SLC26A4: variants seen among roughly 807,000 people sequenced by gnomAD.
The protein encoded by SLC26A4 is pendrin.
Under a neutral mutation model 90.4 loss-of-function variants are expected in SLC26A4, and 93 were observed. That is an observed-to-expected ratio of 1.03 (90% CI 0.87 to 1.22). The LOEUF (loss-of-function observed/expected upper bound fraction) is 1.22. SLC26A4 is among the 50% of genes most tolerant of loss of function. SLC26A4 has a pLI of 0.00. For synonymous variants in SLC26A4, 393 were observed against 354.6 expected, an observed-to-expected ratio of 1.11 and a Z score of -1.22; for missense variants, 1,127 against 946.2, an observed-to-expected ratio of 1.19 and a Z score of -2.51.
chr7:107,661,791 G>C lies in SLC26A4; in HGVS notation c.150G>C (p.Leu50=), dbSNP rs1033372874. The C allele has an allele frequency of 2.0e-6, 3 of 1,538,348 alleles. No individual in the cohort carries two copies. The African/African-American group carries it at 4.1e-5, about 21-fold the overall frequency. ...LQERKTLRES[L]AKCCSCSRKR... ...AGCGCAAGACGCTGCGGGAGAGCCTGGCCAAGTGCTGCAGGTAGCGGCCGC... is the reference window on the plus strand; with the variant it reads ...AGCGCAAGACGCTGCGGGAGAGCCTCGCCAAGTGCTGCAGGTAGCGGCCGC... The change falls in exon 2 of 21, where the codon CTG becomes CTC. Residue 50 remains leucine (L), a synonymous_variant. Coordinates refer to ENST00000644269, the MANE Select transcript of SLC26A4 (RefSeq NM_000441.2). The surrounding 1 kb of genome is among the most constrained non-coding windows in gnomAD (Gnocchi z 5.1).
At chr7:107,682,791 T>C (rs566954403) in intron 6 of SLC26A4, among the ~76,000 whole-genome samples, 13 of 152,176 alleles carry the variant, frequency 8.5e-5, no homozygotes, top group Non-Finnish European at 1.3e-4. Context: ...GGCTACTTGA[T>C]AGCACCTAGA....
At chr7:107,704,761 C>A (rs1393087193) in intron 18 of SLC26A4, among the ~76,000 whole-genome samples, 1 of 152,182 alleles carries the variant, frequency 6.6e-6, no homozygotes, top group Non-Finnish European at 1.5e-5. Context: ...AGGATTATTG[C>A]AGAGGAAGCT....
chr7:107,696,716 C>T (rs1791753633), intron 13 of SLC26A4, among the ~76,000 whole-genome samples: 2 of 152,104 alleles, frequency 1.3e-5, no homozygotes, highest in Admixed American at 1.3e-4. Flanking sequence ...TGGAAAACAG[C>T]CTGTGAGGGA....
chr7:107,663,117 T>C (rs1258178751), intron 2 of SLC26A4, among the ~76,000 whole-genome samples, 179 bp from the exon 3 acceptor site: 1 of 152,198 alleles, frequency 6.6e-6, no homozygotes, highest in Admixed American at 6.5e-5. Context: ...TTTAAAAGGA[T>C]AGATACAGTT....
At chr7:107,687,206 GC>G (rs1214785960) in intron 8 of SLC26A4, among the ~76,000 whole-genome samples, 1 of 152,190 alleles carries the variant, frequency 6.6e-6, no homozygotes, top group African/African-American at 2.4e-5. Flanking sequence ...TTATGATCAG[GC>G]CTGACATGCT....
At chr7:107,682,553 G>T (rs1791269592) in intron 6 of SLC26A4, among the ~76,000 whole-genome samples, 1 of 152,062 alleles carries the variant, frequency 6.6e-6, no homozygotes, top group East Asian at 1.9e-4. Context: ...AGTATTTTAG[G>T]ATTTTTTGTA....
chr7:107,704,389 A>T lies in SLC26A4; in HGVS notation c.2089+4A>T, dbSNP rs778518135. On this transcript the variant is annotated splice_donor_region_variant and intron_variant, in intron 18 of 20. Coordinates refer to ENST00000644269, the MANE Select transcript of SLC26A4 (RefSeq NM_000441.2). ...GTGTATTTTGCATCACTTCAAGGTA[A>T]ATACATATATCTACATATCTACCTG... The T allele has an allele frequency of 8.2e-7, 1 of 1,220,262 alleles. No homozygotes were observed. 75.6% of individuals were successfully genotyped at this position (1,220,262 alleles called of 1,614,324 possible).
rs1790547703 is a variant in SLC26A4, at chr7:107,661,474, G to C, written c.-3-165G>C. On this transcript the variant is annotated intron_variant, in intron 1 of 20. Coordinates refer to ENST00000644269, the MANE Select transcript of SLC26A4 (RefSeq NM_000441.2). The surrounding 1 kb of genome is among the most constrained non-coding windows in gnomAD (Gnocchi z 5.1). ...AGGCTGGCCGTGCGCGCCGTGGGGC[G>C]CTTGTCGCGAGCGCCGAGGGCTGCA... 1.3e-6 allele frequency: 1 copy of C among 777,518 alleles called. No homozygotes were observed. The highest frequency in any genetic ancestry group is 2.3e-5 in the Admixed American group (1 of 44,262). The allele number at this position is 777,518 out of a possible 1,614,324, so 48.2% of individuals were successfully genotyped here. A position where few individuals can be genotyped will look rare whatever the true frequency, so the allele number is the denominator to read the frequency against.
intron 9 of SLC26A4, 125 bp from the exon 10 acceptor site, chr7:107,689,999 T>G: frequency 1.3e-6 from 1 of 750,404 alleles, no homozygotes. Flanking sequence ...CGGTAAAAAT[T>G]AAATTGGACC....
chr7:107,677,211 C>A (rs1481355322), intron 6 of SLC26A4, among the ~76,000 whole-genome samples: 1 of 151,936 alleles, frequency 6.6e-6, no homozygotes, highest in Non-Finnish European at 1.5e-5. Context: ...AACAAAAAAC[C>A]AAAAACAAAC....
At chr7:107,687,575 T>C (rs920076482) in intron 8 of SLC26A4, among the ~76,000 whole-genome samples, 22 of 152,208 alleles carry the variant, frequency 1.4e-4, no homozygotes, top group African/African-American at 5.3e-4. Flanking sequence ...TTAAATAACA[T>C]GCCTAAAGTC....
chr7:107,674,486 T>C (rs1176191209), intron 5 of SLC26A4, 138 bp downstream of exon 5: 1 of 765,752 alleles, frequency 1.3e-6, no homozygotes, highest in African/African-American at 1.7e-5. Flanking sequence ...TAAATTACGT[T>C]GTTTTAGGTC....
In SLC26A4 at chr7:107,661,841, A is replaced by T; in HGVS notation, c.164+36A>T. ...CGCGGGCCTGCGTAGAGAGAAGCGG[A>T]GCGGGGCGTCCACGCCTTGGGGAGG... On this transcript the variant is annotated intron_variant, in intron 2 of 20. Transcript: ENST00000644269. This position sits in a 1 kb window ranked among gnomAD's most constrained non-coding sequence, Gnocchi z 5.1. The T allele has an allele frequency of 6.6e-7, 1 of 1,523,984 alleles. No homozygotes were observed. The allele number at this position is 1,523,984 out of a possible 1,614,324, so 94.4% of individuals were successfully genotyped here.
chr7:107,693,733 T>C (rs1791646583), intron 10 of SLC26A4: 1 of 992,600 alleles, frequency 1.0e-6, no homozygotes, highest in South Asian at 4.5e-5. Context: ...CCCCTGCTAT[T>C]GCCCCGTTAC....
In SLC26A4 at chr7:107,672,213, AC is replaced by A. The variant is rs761134859; in HGVS notation, c.381del (p.Phe128LeufsTer17). ...TCTGCTTTTTTCCCTATCCTGACAT[AC>A]TTTATCTTTGGAACATCAAGACATA... ...LYSAFFPILT[Y>X]FIFGTSRHIS... On this transcript the variant is annotated frameshift_variant, in exon 4 of 21. Transcript: ENST00000644269. LOFTEE classifies it high-confidence loss of function. The A allele has an allele frequency of 6.2e-7, 1 of 1,609,970 alleles. No homozygotes were observed. The highest frequency in any genetic ancestry group is 8.5e-7 in the Non-Finnish European group (1 of 1,176,410).
intron 3 of SLC26A4, among the ~76,000 whole-genome samples, chr7:107,668,094 C>T (rs1790766344): frequency 6.6e-6 from 1 of 152,104 alleles, no homozygotes; most frequent in African/African-American, 2.4e-5. Flanking sequence ...ACACATTTTA[C>T]ATGAAATTGG....
At chr7:107,683,008 A>G (rs1791287852) in intron 6 of SLC26A4, among the ~76,000 whole-genome samples, 194 bp from the exon 7 acceptor site, 1 of 152,076 alleles carries the variant, frequency 6.6e-6, no homozygotes, top group South Asian at 2.1e-4. Flanking sequence ...CAGCAATTGT[A>G]TGTATGTAAT....
intron 12 of SLC26A4, among the ~76,000 whole-genome samples, chr7:107,695,085 C>T (rs1791701712): frequency 6.6e-6 from 1 of 152,208 alleles, no homozygotes; most frequent in African/African-American, 2.4e-5. Context: ...CTGACTTTAA[C>T]TCTGACTAAC....
intron 3 of SLC26A4, 100 bp downstream of exon 3, chr7:107,663,535 G>T: frequency 7.6e-7 from 1 of 1,312,750 alleles, no homozygotes; most frequent in South Asian, 1.2e-5. Context: ...TACCCTTCAA[G>T]GCCTGTATCT....
Sources: gnomAD v4.1 joint callset for allele counts (sites outside exome capture counted in the v4.1 genomes callset) on GRCh38, gnomAD v4.1.1 for gene constraint, Gnocchi (gnomAD v3.1) non-coding constraint, MANE v1.5 for transcripts, NCBI Gene and HGNC (gene_info 2026-07-23, HGNC 2026-07-21) for gene names.